VAT1L: variants seen among roughly 807,000 people sequenced by gnomAD.
VAT1L encodes putative NADPH-dependent quinone oxidoreductase VAT1L.
Under a neutral mutation model 44.1 loss-of-function variants are expected in VAT1L, and 34 were observed. The observed-to-expected ratio is 0.77, with a 90% confidence interval of 0.59 to 1.03. The LOEUF is 1.03. Among genes scored for constraint, VAT1L ranks in the 50% least tolerant of loss-of-function variants. VAT1L has a pLI of 0.00. For missense variants in VAT1L, 615 were observed against 538.8 expected, an observed-to-expected ratio of 1.14 and a Z score of -1.40; for synonymous variants, 253 against 202.2, an observed-to-expected ratio of 1.25 and a Z score of -2.13.
intron 1 of VAT1L, among the ~76,000 whole-genome samples, chr16:77,807,026 G>A (rs1281758036): frequency 1.3e-5 from 2 of 152,088 alleles, no homozygotes; most frequent in Non-Finnish European, 2.9e-5. Flanking sequence ...ATTCTTTCAG[G>A]TTTTTATTTA....
rs1404986544 is a variant in VAT1L at position 77,974,807 on chromosome 16, G to A, written c.1162-2790G>A. 2.0e-5 allele frequency among the ~76,000 whole-genome samples: 3 copies of A among 152,096 alleles called. No homozygotes were observed. The East Asian group carries it at 5.8e-4, about 29-fold the overall frequency. On this transcript the variant is annotated intron_variant, in intron 8 of 8. Coordinates refer to ENST00000302536, the MANE Select transcript of VAT1L (RefSeq NM_020927.3). ...TGGTTTTGAACTCCTGACCCCAAGT[G>A]ACCCACCTGCCTTGGCCTCCCAAAG...
chr16:77,832,862 A>G (rs2016595270), intron 3 of VAT1L, among the ~76,000 whole-genome samples: 2 of 152,282 alleles, frequency 1.3e-5, no homozygotes, highest in South Asian at 2.1e-4. Flanking sequence ...TTAAGCCACA[A>G]CAGCATGGAG....
chr16:77,910,673 C>CAAAAAAAAAAAAAAAAAAA (rs3038773), intron 7 of VAT1L, among the ~76,000 whole-genome samples: 4 of 82,956 alleles, frequency 4.8e-5, no homozygotes, highest in Admixed American at 1.4e-4. Context: ...GACTCCTTCT[C>CAAAAAAAAAAAAAAAAAAA]AAAAAAAAAA....
At chr16:77,809,942 G>A (rs147512535) in intron 1 of VAT1L, among the ~76,000 whole-genome samples, 334 of 152,288 alleles carry the variant, frequency 2.2e-3, no homozygotes, top group African/African-American at 7.7e-3. Flanking sequence ...GTAGAAGCTC[G>A]TGTCATGATA....
chr16:77,842,787 A>G (rs1428692793), intron 3 of VAT1L, among the ~76,000 whole-genome samples: 1 of 152,230 alleles, frequency 6.6e-6, no homozygotes, highest in Admixed American at 6.5e-5. Flanking sequence ...GGATAAACTG[A>G]TGGATGAATG....
chr16:77,906,252 T>G (rs2017435378), intron 7 of VAT1L, among the ~76,000 whole-genome samples: 1 of 152,210 alleles, frequency 6.6e-6, no homozygotes, highest in Non-Finnish European at 1.5e-5. Flanking sequence ...TTTAAACTCA[T>G]TTGATAATTA....
At chr16:77,874,412 A>G (rs2017065962) in intron 4 of VAT1L, among the ~76,000 whole-genome samples, 1 of 152,078 alleles carries the variant, frequency 6.6e-6, no homozygotes, top group South Asian at 2.1e-4. Context: ...ACCAACCTGA[A>G]GCTCACCAAC....
intron 2 of VAT1L, among the ~76,000 whole-genome samples, chr16:77,820,199 C>T (rs912376054): frequency 6.6e-6 from 1 of 152,126 alleles, no homozygotes; most frequent in Non-Finnish European, 1.5e-5. Flanking sequence ...GAGGTAGACT[C>T]CCGCACCTGG....
chr16:77,844,899 G>A (rs547597968), intron 3 of VAT1L, among the ~76,000 whole-genome samples: 5 of 152,234 alleles, frequency 3.3e-5, no homozygotes, highest in Admixed American at 6.5e-5. Flanking sequence ...CTATCATAGA[G>A]AATATCAGGC....
At chr16:77,959,980 G>C (rs2018144465) in intron 7 of VAT1L, among the ~76,000 whole-genome samples, 1 of 151,762 alleles carries the variant, frequency 6.6e-6, no homozygotes, top group South Asian at 2.1e-4. Flanking sequence ...GCTTGGAATG[G>C]TCTTCTCTCT....
rs1441390426 is a variant in VAT1L, at chr16:77,817,055, T to C, written c.363+5T>C. 1.2e-6 allele frequency: 2 copies of C among 1,611,248 alleles called. No homozygotes were observed. The highest frequency in any genetic ancestry group is 1.7e-6 in the Non-Finnish European group (2 of 1,179,136). ...GACAGCGTGAAAGGATATGAGGTAA[T>C]GTTTGGCTCTCAATTGAAGAGTAAT... On this transcript the variant is annotated splice_donor_5th_base_variant and intron_variant, in intron 2 of 8. Coordinates refer to ENST00000302536, the MANE Select transcript of VAT1L (RefSeq NM_020927.3).
intron 3 of VAT1L, among the ~76,000 whole-genome samples, chr16:77,852,397 G>A (rs1183257238): frequency 6.6e-6 from 1 of 152,240 alleles, no homozygotes; most frequent in Non-Finnish European, 1.5e-5. Flanking sequence ...ATCTGATCAG[G>A]CGTCTCGGGC....
At position 77,788,754 on chromosome 16, in the gene VAT1L, G is replaced by T. The variant is rs903873888; in HGVS notation, c.72G>T (p.Pro24=). The part of the protein sequence containing the change: ...QMIEKEAGKE[P]AEGGGGDGSH... The stretch of plus-strand genomic sequence containing the variant: ...TCGAGAAGGAGGCAGGCAAGGAGCC[G>T]GCGGAGGGCGGCGGCGGCGACGGCT... Residue 24 remains proline (P), a synonymous_variant, in exon 1 of 9, where the codon CCG becomes CCT. Coordinates refer to ENST00000302536, the MANE Select transcript of VAT1L (RefSeq NM_020927.3). 3.8e-6 allele frequency: 6 copies of T among 1,561,154 alleles called. No homozygotes were observed. The African/African-American group carries it at 6.8e-5, about 18-fold the overall frequency.
At chr16:77,919,280 T>G (rs1312132577) in intron 7 of VAT1L, among the ~76,000 whole-genome samples, 1 of 152,222 alleles carries the variant, frequency 6.6e-6, no homozygotes, top group Non-Finnish European at 1.5e-5. Flanking sequence ...ACCGGTGCCT[T>G]TCATTGACAG....
chr16:77,951,441 G>C (rs961988041), intron 7 of VAT1L, among the ~76,000 whole-genome samples: 20 of 152,198 alleles, frequency 1.3e-4, no homozygotes, highest in African/African-American at 4.8e-4. Context: ...AGCTACTCGG[G>C]AGGCTGAAGC....
chr16:77,894,050 C>T (rs758951171), intron 7 of VAT1L, among the ~76,000 whole-genome samples: 2 of 152,186 alleles, frequency 1.3e-5, no homozygotes, highest in Non-Finnish European at 2.9e-5. Flanking sequence ...CAAGGTCACA[C>T]GGCCAATGCA....
chr16:77,822,654 G>A (rs191598847), intron 2 of VAT1L, among the ~76,000 whole-genome samples: 157 of 152,290 alleles, frequency 1.0e-3, no homozygotes, highest in Non-Finnish European at 1.7e-3. Flanking sequence ...GACCTGCTTA[G>A]GTTTATGCCA....
intron 1 of VAT1L, among the ~76,000 whole-genome samples, chr16:77,809,561 G>A (rs1014150228): frequency 1.3e-5 from 2 of 152,130 alleles, no homozygotes; most frequent in South Asian, 4.1e-4. Context: ...GAGACTCTCA[G>A]AGCTGGGGCC....
Position 77,929,135 on chromosome 16 carries a change from G to A in VAT1L, c.1078-42715G>A, listed in dbSNP as rs72796717. ...AGCCGCTCTATTATTTTTATGCTGT[G>A]TGATACTGATGTACTTTGAATGCTC... On this transcript the variant is annotated intron_variant, in intron 7 of 8. Coordinates refer to ENST00000302536, the MANE Select transcript of VAT1L (RefSeq NM_020927.3). Among the ~76,000 whole-genome samples the A allele has an allele frequency of 3.4e-3, 518 of 152,230 alleles. 1 individual carries two copies. Among genetic ancestry groups the A allele is most frequent in the Non-Finnish European group, 6.5e-3 (441 of 68,014 alleles).
Sources: allele counts gnomAD v4.1 joint callset (sites outside exome capture counted in the v4.1 genomes callset), GRCh38; gene constraint gnomAD v4.1.1; transcripts MANE v1.5; gene names NCBI Gene and HGNC (gene_info 2026-07-23, HGNC 2026-07-21).